HERC3: variants seen among roughly 807,000 people sequenced by gnomAD.
HERC3 encodes the protein probable E3 ubiquitin-protein ligase HERC3.
In HERC3, 58 loss-of-function variants were observed where a neutral mutation model predicts 129.9. The observed-to-expected ratio is 0.45, with a 90% CI of 0.36 to 0.56. HERC3 has a LOEUF of 0.56. Ranked by LOEUF, HERC3 falls within the 20% of genes least tolerant of loss-of-function variation. The probability of loss-of-function intolerance (pLI) is 0.00; values close to 1 mark genes in which losing one functional copy is unlikely to be tolerated. For synonymous variants in HERC3, 430 were observed against 451.0 expected, an observed-to-expected ratio of 0.95 and a Z score of 0.59; for missense variants, 835 against 1,244.2, an observed-to-expected ratio of 0.67 and a Z score of 4.95.
At chr4:88,540,686 C>A in the HERC3 span, among the ~76,000 whole-genome samples, 1 of 152,180 alleles carries the variant, frequency 6.6e-6, no homozygotes, top group Admixed American at 6.5e-5. Flanking sequence ...ATGTTAAGGG[C>A]AGCCAGAGAG....
chr4:88,594,602 G>A (rs1412292691), intron 1 of HERC3, among the ~76,000 whole-genome samples: 1 of 152,114 alleles, frequency 6.6e-6, no homozygotes, highest in African/African-American at 2.4e-5. Context: ...GCCAAAAGAC[G>A]AAACGGGGTT....
At chr4:88,654,204 A>T in intron 7 of HERC3, 71 bp downstream of exon 7, 1 of 1,039,410 alleles carries the variant, frequency 9.6e-7, no homozygotes, top group Middle Eastern at 2.0e-4. Flanking sequence ...TGATTATGTT[A>T]GTGTAGTGAT....
chr4:88,663,966 T>C (rs1427183456), intron 11 of HERC3, among the ~76,000 whole-genome samples, 187 bp from the exon 12 acceptor site: 1 of 152,174 alleles, frequency 6.6e-6, no homozygotes, highest in Non-Finnish European at 1.5e-5. Context: ...GAAACTTAAG[T>C]TCTTCTTCAT....
At chr4:88,585,155 G>A in the HERC3 span, among the ~76,000 whole-genome samples, 8 of 152,096 alleles carry the variant, frequency 5.3e-5, no homozygotes, top group Non-Finnish European at 1.2e-4. Flanking sequence ...CTTTTATGTG[G>A]GCACTAATTC....
intron 23 of HERC3, among the ~76,000 whole-genome samples, chr4:88,692,541 A>G (rs1734180298): frequency 6.6e-6 from 1 of 152,204 alleles, no homozygotes; most frequent in South Asian, 2.1e-4. Flanking sequence ...ACTTCAGTTG[A>G]TCTTTCAGGA....
chr4:88,597,187 A>G (rs922884408), intron 2 of HERC3, among the ~76,000 whole-genome samples: 1 of 152,240 alleles, frequency 6.6e-6, no homozygotes, highest in Non-Finnish European at 1.5e-5. Flanking sequence ...TAAGATAGCC[A>G]CTAGTCACCT....
At position 88,652,095 on chromosome 4, in the gene HERC3, T is replaced by A. The variant is rs1156525592; in HGVS notation, c.463+7T>A. On this transcript the variant is annotated splice_region_variant and intron_variant, in intron 5 of 25. Transcript: ENST00000402738. ...TGCTTGGCTCTTGCGGCTGGTAAAG[T>A]AACATTAAACATATGCTAATGCTAT... 1 of 1,591,734 alleles carries A rather than the reference T, an allele frequency of 6.3e-7. No homozygotes were observed. The highest frequency in any genetic ancestry group is 8.6e-7 in the Non-Finnish European group (1 of 1,159,582).
At chr4:88,682,289 C>T (rs1732864174) in intron 21 of HERC3, among the ~76,000 whole-genome samples, 1 of 151,878 alleles carries the variant, frequency 6.6e-6, no homozygotes, top group Non-Finnish European at 1.5e-5. Flanking sequence ...GTAGTAGAGC[C>T]ACATTTTTTT....
intron 2 of HERC3, among the ~76,000 whole-genome samples, chr4:88,601,785 G>A (rs1039331800): frequency 3.6e-5 from 5 of 139,776 alleles, no homozygotes; most frequent in Admixed American, 1.4e-4. Flanking sequence ...GGCCGGGCGC[G>A]GTGGCTTACG....
At chr4:88,591,342 ACTGT>A (rs1485952974), upstream of HERC3, among the ~76,000 whole-genome samples, 3 of 152,072 alleles carry the variant, frequency 2.0e-5, no homozygotes, top group African/African-American at 7.2e-5. Context: ...AGGGCTCAAC[ACTGT>A]CAGTCAGCCA....
chr4:88,635,527 T>C (rs1727282601), intron 3 of HERC3, among the ~76,000 whole-genome samples: 6 of 152,134 alleles, frequency 3.9e-5, no homozygotes, highest in Admixed American at 3.3e-4. Flanking sequence ...CTAAGACTGA[T>C]TGGAATACCT....
the HERC3 span, among the ~76,000 whole-genome samples, chr4:88,547,988 T>C: frequency 6.6e-6 from 1 of 152,214 alleles, no homozygotes; most frequent in Non-Finnish European, 1.5e-5. Context: ...GTTTCATACA[T>C]GTTTTAGCAT....
At chr4:88,587,167 T>A in the HERC3 span, among the ~76,000 whole-genome samples, 1 of 152,160 alleles carries the variant, frequency 6.6e-6, no homozygotes, top group Admixed American at 6.5e-5. Context: ...TATAAAAAGG[T>A]GGCCGTAAAG....
In HERC3 at chr4:88,667,763, C is replaced by T. The variant is rs1482332812; in HGVS notation, c.1444-129C>T. ...TGAGGGCCTAGACCAGTGTCAGGCT[C>T]ATAGTAGGTTCTCAGTGCATAGTGA... On this transcript the variant is annotated intron_variant, in intron 13 of 25. Transcript: ENST00000402738. The T allele has an allele frequency of 2.0e-5, 14 of 713,030 alleles. No homozygotes were observed. The Middle Eastern group carries it at 1.6e-3, about 82-fold the overall frequency. 44.2% of individuals were successfully genotyped at this position (713,030 alleles called of 1,614,324 possible). A position where few individuals can be genotyped will look rare whatever the true frequency, so the allele number is the denominator to read the frequency against.
At position 88,678,243 on chromosome 4, in the gene HERC3, A is replaced by T. The variant is rs1732378588; in HGVS notation, c.2196+109A>T. On this transcript the variant is annotated intron_variant, in intron 19 of 25. Transcript: ENST00000402738. ...AATTGTGGGGTGCAGCCATTCTTTC[A>T]TTCATTTTGCAAGAATTTAATCACC... 3 of 936,358 alleles carry T rather than the reference A, an allele frequency of 3.2e-6. No individual in the cohort carries two copies. In the Admixed American group the frequency reaches 7.1e-5, roughly 22 times the overall value. The allele number at this position is 936,358 out of a possible 1,614,324, so 58.0% of individuals were successfully genotyped here.
intron 9 of HERC3, chr4:88,656,276 A>G (rs535857921): frequency 2.7e-4 from 133 of 495,498 alleles, no homozygotes; most frequent in Non-Finnish European, 4.4e-4. Context: ...TGTAAAGAGC[A>G]CCTGAAACAG....
At chr4:88,579,386 G>A in the HERC3 span, among the ~76,000 whole-genome samples, 2 of 151,978 alleles carry the variant, frequency 1.3e-5, no homozygotes, top group African/African-American at 2.4e-5. Context: ...CAGCCTGGGC[G>A]ATAGAGTGAG....
At chr4:88,663,543 C>A (rs1422091941) in intron 11 of HERC3, among the ~76,000 whole-genome samples, 3 of 151,956 alleles carry the variant, frequency 2.0e-5, no homozygotes, top group African/African-American at 4.8e-5. Flanking sequence ...CTACTGTAAT[C>A]CCCTCCCCAG....
intron 21 of HERC3, among the ~76,000 whole-genome samples, chr4:88,682,407 G>A (rs1017894938): frequency 6.6e-6 from 1 of 151,702 alleles, no homozygotes; most frequent in Non-Finnish European, 1.5e-5. Context: ...GTGCCATGTT[G>A]GTGTGCTGCA....
Sources: allele counts gnomAD v4.1 joint callset (sites outside exome capture counted in the v4.1 genomes callset), GRCh38; gene constraint gnomAD v4.1.1; transcripts MANE v1.5; gene names NCBI Gene and HGNC (gene_info 2026-07-23, HGNC 2026-07-21).